Variants in EPB41L3 observed in about 807,000 individuals in gnomAD.
EPB41L3 encodes erythrocyte membrane protein band 4.1 like 3.
Under a neutral mutation model 127.1 loss-of-function variants are expected in EPB41L3, and 57 were observed. The observed-to-expected ratio is 0.45, with a 90% CI of 0.36 to 0.56. The LOEUF (loss-of-function observed/expected upper bound fraction) is 0.56. EPB41L3 is among the 20% of genes least tolerant of loss of function. EPB41L3 has a pLI of 0.00. For synonymous variants in EPB41L3, 572 were observed against 549.5 expected (o/e 1.04, Z -0.57); for missense variants, 1,273 against 1,372.2 (o/e 0.93, Z 1.14).
chr18:5,465,850 T>C (rs1449588130), intron 3 of EPB41L3, among the ~76,000 whole-genome samples: 1 of 152,186 alleles, frequency 6.6e-6, no homozygotes. Flanking sequence ...CAGTCTCATT[T>C]AATTCATGAA....
At chr18:5,417,563 G>T (rs1335320947) in intron 12 of EPB41L3, among the ~76,000 whole-genome samples, 3 of 152,160 alleles carry the variant, frequency 2.0e-5, no homozygotes, top group Admixed American at 2.0e-4. Context: ...TGTGTGTTTT[G>T]CCCAGTGGCC....
intron 3 of EPB41L3, among the ~76,000 whole-genome samples, chr18:5,465,013 T>C (rs916164002): frequency 6.6e-6 from 1 of 152,192 alleles, no homozygotes; most frequent in African/African-American, 2.4e-5. Context: ...AAGTCACAAG[T>C]GGCGTGTGTG....
chr18:5,398,273 A>C, intron 16 of EPB41L3, 130 bp from the exon 17 acceptor site: 1 of 1,071,566 alleles, frequency 9.3e-7, no homozygotes, highest in Non-Finnish European at 1.4e-6. Flanking sequence ...AAGGAATCTC[A>C]GAGTTTGGAA....
chr18:5,577,784 T>C (rs2094351146), intron 3 of EPB41L3: 1 of 153,562 alleles, frequency 6.5e-6, no homozygotes, highest in South Asian at 2.0e-4. Context: ...TAGTTATGTA[T>C]ATATTGTTAT....
chr18:5,601,459 C>G (rs566260104), intron 3 of EPB41L3, among the ~76,000 whole-genome samples: 2 of 152,288 alleles, frequency 1.3e-5, no homozygotes, highest in Non-Finnish European at 2.9e-5. Flanking sequence ...GCTGACATAG[C>G]CTGCAGGGAT....
chr18:5,416,394 C>T lies in EPB41L3; in HGVS notation c.1507-16G>A. Reference sequence around the variant, plus strand: ...GCCCAGGTGACTGATGTGAAAGAGACAGAAAGAGACAGAAAGCAGCAAACA... The same window carrying T: ...GCCCAGGTGACTGATGTGAAAGAGATAGAAAGAGACAGAAAGCAGCAAACA... On this transcript the variant is annotated splice_polypyrimidine_tract_variant and intron_variant, in intron 12 of 22. Coordinates refer to ENST00000341928, the MANE Select transcript of EPB41L3 (RefSeq NM_012307.5). 1 of 1,585,170 alleles carries T rather than the reference C, an allele frequency of 6.3e-7. No individual in the cohort carries two copies. The highest frequency in any genetic ancestry group is 1.1e-5 in the South Asian group (1 of 87,632).
At chr18:5,433,271 C>A (rs771958107) in intron 8 of EPB41L3, among the ~76,000 whole-genome samples, 198 bp downstream of exon 8, 56 of 152,096 alleles carry the variant, frequency 3.7e-4, no homozygotes, top group Admixed American at 6.5e-4. Flanking sequence ...GTTTGAGACA[C>A]AAAGAGCAAA....
chr18:5,618,241 G>C (rs1038247770), intron 1 of EPB41L3, among the ~76,000 whole-genome samples: 2 of 152,142 alleles, frequency 1.3e-5, no homozygotes, highest in South Asian at 4.1e-4. Context: ...GGCTAAAAAA[G>C]CCAGAGACTG....
chr18:5,628,318 A>G (rs2094945667), intron 1 of EPB41L3, among the ~76,000 whole-genome samples: 1 of 152,260 alleles, frequency 6.6e-6, no homozygotes, highest in South Asian at 2.1e-4. Flanking sequence ...AGTGGCTTCC[A>G]GCCCTCTCGC....
At chr18:5,491,003 A>T (rs946092940) in intron 1 of EPB41L3, among the ~76,000 whole-genome samples, 1 of 152,120 alleles carries the variant, frequency 6.6e-6, no homozygotes, top group Non-Finnish European at 1.5e-5. Flanking sequence ...TCTGGAATCC[A>T]TTTTCTTCAT....
intron 1 of EPB41L3, among the ~76,000 whole-genome samples, chr18:5,528,548 A>C (rs2093310932): frequency 1.3e-5 from 2 of 152,062 alleles, no homozygotes; most frequent in Admixed American, 1.3e-4. Context: ...AATATTTCAT[A>C]ATATTTTTGT....
chr18:5,408,273 C>CTTTTTTTT (rs1208956534), intron 14 of EPB41L3, among the ~76,000 whole-genome samples: 39 of 50,470 alleles, frequency 7.7e-4, no homozygotes, highest in South Asian at 1.4e-3. Flanking sequence ...TTTCTTTTTT[C>CTTTTTTTT]TTTTTTTTTT....
intron 8 of EPB41L3, among the ~76,000 whole-genome samples, chr18:5,428,771 A>G (rs2078575835): frequency 6.6e-6 from 1 of 152,350 alleles, no homozygotes; most frequent in South Asian, 2.1e-4. Flanking sequence ...TAGTAGCCAC[A>G]GTTCTCACTT....
At chr18:5,526,346 C>A (rs2093221450) in intron 1 of EPB41L3, among the ~76,000 whole-genome samples, 1 of 152,174 alleles carries the variant, frequency 6.6e-6, no homozygotes, top group Non-Finnish European at 1.5e-5. Flanking sequence ...GTCCCCACAC[C>A]TTCACTTATT....
chr18:5,469,492 C>T (rs891860705), intron 3 of EPB41L3, among the ~76,000 whole-genome samples: 3 of 152,184 alleles, frequency 2.0e-5, no homozygotes, highest in East Asian at 1.9e-4. Flanking sequence ...GGCTGGACCC[C>T]GCACTTGCTT....
chr18:5,396,380 C>T, intron 18 of EPB41L3, 48 bp from the exon 19 acceptor site: 5 of 1,610,656 alleles, frequency 3.1e-6, no homozygotes, highest in Non-Finnish European at 4.2e-6. Context: ...TTTGCATGAA[C>T]ACATTGTTTT....
chr18:5,433,688 A>G, intron 7 of EPB41L3, 132 bp from the exon 8 acceptor site: 2 of 915,084 alleles, frequency 2.2e-6, no homozygotes, highest in East Asian at 2.6e-5. Context: ...GAAAAGAATA[A>G]CAAGAAAAAG....
intron 19 of EPB41L3, 70 bp downstream of exon 19, chr18:5,396,131 A>G (rs2073409317): frequency 2.5e-6 from 4 of 1,580,232 alleles, no homozygotes; most frequent in African/African-American, 1.3e-5. Context: ...GTGCAGTTCT[A>G]TGTAAACACA....
At chr18:5,428,594 A>G (rs2078550698) in intron 8 of EPB41L3, 129 bp from the exon 9 acceptor site, 1 of 1,059,420 alleles carries the variant, frequency 9.4e-7, no homozygotes, top group East Asian at 2.4e-5. Flanking sequence ...TGATGCAGCC[A>G]TTTTTAAAAC....
Sources: allele counts gnomAD v4.1 joint callset (sites outside exome capture counted in the v4.1 genomes callset), GRCh38; gene constraint gnomAD v4.1.1; transcripts MANE v1.5; gene names NCBI Gene and HGNC (gene_info 2026-07-23, HGNC 2026-07-21).